PLCE1: variants seen among roughly 807,000 people sequenced by gnomAD.
The protein encoded by PLCE1 is phospholipase C epsilon 1.
In PLCE1, 119 loss-of-function variants were observed where a neutral mutation model predicts 242.8. The ratio of observed to expected loss-of-function variants is 0.49; its 90% CI spans 0.42 to 0.57. PLCE1 has a LOEUF of 0.57. Ranked by LOEUF, PLCE1 falls within the 20% of genes least tolerant of loss-of-function variation. The probability of loss-of-function intolerance (pLI) is 0.00; values close to 1 mark genes in which losing one functional copy is unlikely to be tolerated. For synonymous variants in PLCE1, 945 were observed against 1,017.4 expected (o/e 0.93, Z 1.35); for missense variants, 2,441 against 2,788.8 (o/e 0.88, Z 2.81).
At chr10:94,103,019 T>C (rs1411291472) in intron 2 of PLCE1, among the ~76,000 whole-genome samples, 1 of 152,234 alleles carries the variant, frequency 6.6e-6, no homozygotes, top group African/African-American at 2.4e-5. Flanking sequence ...CTGGAGATTT[T>C]AAAAGCCAAT....
intron 1 of PLCE1, among the ~76,000 whole-genome samples, chr10:94,005,632 A>G (rs1282249084): frequency 1.3e-5 from 2 of 152,182 alleles, no homozygotes; most frequent in East Asian, 3.9e-4. Context: ...CCAAAGCTGC[A>G]TATCGGGTTG....
chr10:94,287,298 G>C (rs545317033), intron 22 of PLCE1: 6 of 152,142 alleles, frequency 3.9e-5, no homozygotes, highest in African/African-American at 1.4e-4. Context: ...CAGAATGATT[G>C]TTATAATACC....
chr10:94,123,450 A>G (rs1019607877), intron 2 of PLCE1, among the ~76,000 whole-genome samples: 1 of 152,200 alleles, frequency 6.6e-6, no homozygotes, highest in African/African-American at 2.4e-5. Context: ...TTGCTCGTGC[A>G]TGGTCTGAAT....
intron 22 of PLCE1, among the ~76,000 whole-genome samples, chr10:94,288,540 G>C (rs2052540111): frequency 6.6e-6 from 1 of 152,166 alleles, no homozygotes; most frequent in African/African-American, 2.4e-5. Context: ...CTCTCTACCA[G>C]GGATTTACAT....
chr10:94,128,173 A>G (rs1032689288), intron 2 of PLCE1, among the ~76,000 whole-genome samples: 2 of 151,904 alleles, frequency 1.3e-5, no homozygotes, highest in Non-Finnish European at 2.9e-5. Context: ...TTTTTAGTAG[A>G]GACGGGGTTT....
At chr10:94,105,416 A>T (rs1203405178) in intron 2 of PLCE1, 1 of 152,058 alleles carries the variant, frequency 6.6e-6, no homozygotes, top group Non-Finnish European at 1.5e-5. Context: ...TCAGGCCTGT[A>T]CTCGCTTTGT....
At chr10:94,176,206 C>T (rs569367316) in intron 4 of PLCE1, among the ~76,000 whole-genome samples, 1 of 152,224 alleles carries the variant, frequency 6.6e-6, no homozygotes, top group African/African-American at 2.4e-5. Context: ...TGAGACCAGC[C>T]TGGGGAACAT....
Position 94,258,874 on chromosome 10 carries a change from A to T in PLCE1, c.3629A>T (p.Asp1210Val). ...GGATTTCAGAGCTTCATGGTTTCAG[A>T]TAGCAACATGAGTTTTGTTGAATTT... ...MKGFQSFMVS[D>V]SNMSFVEFVE... Residue 1210 changes from aspartate to valine, a missense_variant, in exon 12 of 33, where the codon GAT (aspartate) becomes GTT (valine). By Grantham distance (152) the Asp-to-Val change is radical (BLOSUM62 -3). Around this residue, in one of 5 missense-constraint regions of PLCE1, gnomAD observed 1,004 missense variants for 1,322.7 expected, o/e 0.76. Coordinates refer to ENST00000371380, the MANE Select transcript of PLCE1 (RefSeq NM_016341.4). The T allele has an allele frequency of 6.2e-7, 1 of 1,614,110 alleles. No individual in the cohort carries two copies. Among genetic ancestry groups the T allele is most frequent in the Non-Finnish European group, 8.5e-7 (1 of 1,179,980 alleles).
At chr10:94,240,580 C>A (rs901870903) in intron 7 of PLCE1, among the ~76,000 whole-genome samples, 1 of 152,068 alleles carries the variant, frequency 6.6e-6, no homozygotes, top group Non-Finnish European at 1.5e-5. Context: ...ATTAAATTTA[C>A]GCTTGTTTGT....
At chr10:94,111,701 G>C (rs531193133) in intron 2 of PLCE1, among the ~76,000 whole-genome samples, 3 of 152,264 alleles carry the variant, frequency 2.0e-5, no homozygotes, top group East Asian at 3.9e-4. Flanking sequence ...TTTTCCTATA[G>C]GAAAGATCTC....
At chr10:94,313,439 G>A in intron 28 of PLCE1, 57 bp downstream of exon 28, 1 of 1,598,232 alleles carries the variant, frequency 6.3e-7, no homozygotes, top group Non-Finnish European at 8.6e-7. Context: ...ATGGATGTAT[G>A]TGTGTGTATA....
Position 94,308,661 on chromosome 10 carries a change from G to A in PLCE1, c.5965G>A (p.Glu1989Lys). 6.2e-7 allele frequency: 1 copy of A among 1,612,260 alleles called. No homozygotes were observed. Among genetic ancestry groups the A allele is most frequent in the Non-Finnish European group, 8.5e-7 (1 of 1,178,296 alleles). Residue 1989 changes from glutamate to lysine, a missense_variant, in exon 27 of 33, where the codon GAA (glutamate) becomes AAA (lysine). Physicochemically the swap from Glu to Lys is moderately conservative, Grantham distance 56 (BLOSUM62 1). Around this residue, in one of 5 missense-constraint regions of PLCE1, gnomAD observed 1,004 missense variants for 1,322.7 expected, o/e 0.76. Coordinates refer to ENST00000371380, the MANE Select transcript of PLCE1 (RefSeq NM_016341.4). ...TTTATTCATTAACAGCAGAAGGATG[G>A]AAGAAAATTCCTCTGGCAATACCAT... is the stretch of plus-strand genomic sequence containing the variant. Reference protein sequence around the residue: ...SSLFINSRRMEENSSGNTMSA... With the variant: ...SSLFINSRRMKENSSGNTMSA...
In PLCE1 at chr10:94,236,133, C is replaced by G; in HGVS notation, c.2420+13C>G. 1 of 1,605,618 alleles carries G rather than the reference C, an allele frequency of 6.2e-7. No individual in the cohort carries two copies. The highest frequency in any genetic ancestry group is 8.5e-7 in the Non-Finnish European group (1 of 1,172,958). On this transcript the variant is annotated intron_variant, in intron 7 of 32. Transcript: ENST00000371380. The stretch of plus-strand genomic sequence containing the variant: ...AAAGCCGATGGCAGTAAGTTTTACA[C>G]GTTAAAAGTGAGGAATGCTCATCTC...
chr10:94,065,329 G>A (rs1336352303), intron 2 of PLCE1, among the ~76,000 whole-genome samples: 4 of 152,180 alleles, frequency 2.6e-5, no homozygotes, highest in Non-Finnish European at 5.9e-5. Flanking sequence ...CGGCTCTGGG[G>A]CCATAGCTCA....
chr10:94,054,647 C>T (rs1019257720), intron 2 of PLCE1, among the ~76,000 whole-genome samples: 3 of 152,184 alleles, frequency 2.0e-5, no homozygotes, highest in Non-Finnish European at 4.4e-5. Context: ...ATAACATTCC[C>T]TTATAGTGCT....
At chr10:94,016,985 C>A (rs2061294436) in intron 1 of PLCE1, among the ~76,000 whole-genome samples, 1 of 152,142 alleles carries the variant, frequency 6.6e-6, no homozygotes, top group African/African-American at 2.4e-5. Flanking sequence ...TTAGTCAAGT[C>A]TAATACTACT....
At chr10:94,012,209 A>G (rs903564169) in intron 1 of PLCE1, among the ~76,000 whole-genome samples, 8 of 151,848 alleles carry the variant, frequency 5.3e-5, no homozygotes, top group African/African-American at 1.9e-4. Flanking sequence ...CAGTTCCCCA[A>G]GTCTCACCCC....
chr10:94,045,292 T>TAA (rs2061856436), intron 2 of PLCE1, among the ~76,000 whole-genome samples: 1 of 152,166 alleles, frequency 6.6e-6, no homozygotes, highest in Non-Finnish European at 1.5e-5. Flanking sequence ...ACCTGGCTAA[T>TAA]CAAAAATATA....
chr10:94,200,448 A>G (rs959819197), intron 4 of PLCE1, among the ~76,000 whole-genome samples: 1 of 152,250 alleles, frequency 6.6e-6, no homozygotes, highest in African/African-American at 2.4e-5. Context: ...GACAAAGTAA[A>G]GGAAAAATAT....
Sources: gnomAD v4.1 joint callset for allele counts (sites outside exome capture counted in the v4.1 genomes callset) on GRCh38, gnomAD v4.1.1 for gene constraint, gnomAD v4.1.1 regional missense constraint, MANE v1.5 for transcripts, NCBI Gene and HGNC (gene_info 2026-07-23, HGNC 2026-07-21) for gene names.